Variants in FAAH2 observed in about 807,000 individuals in gnomAD.
The protein encoded by FAAH2 is fatty acid amide hydrolase 2.
A neutral mutation model predicts 36.9 loss-of-function variants in FAAH2; 60 were observed. The ratio of observed to expected loss-of-function variants is 1.63; its 90% confidence interval spans 1.32 to 2.02. The LOEUF (loss-of-function observed/expected upper bound fraction) is 2.02, where lower values mean the gene tolerates loss of function less well. Among genes scored for constraint, FAAH2 ranks in the 30% most tolerant of loss-of-function variants. FAAH2 has a pLI of 0.00. For synonymous variants in FAAH2, 214 were observed against 143.8 expected, an observed-to-expected ratio of 1.49 and a Z score of -3.49; for missense variants, 689 against 397.5, an observed-to-expected ratio of 1.73 and a Z score of -6.23.
the FAAH2 span, among the ~76,000 whole-genome samples, chrX:57,145,449 G>T: frequency 1.9e-3 from 217 of 111,488 alleles, 1 homozygote; most frequent in Non-Finnish European, 3.5e-3. Context: ...AGGAGATTCC[G>T]GATATTAGTC....
the FAAH2 span, among the ~76,000 whole-genome samples, chrX:57,262,348 G>A: frequency 9.0e-6 from 1 of 111,419 alleles, no homozygotes; most frequent in African/African-American, 3.3e-5. Flanking sequence ...CAAAGATAGG[G>A]AAGATAATTA....
intron 7 of FAAH2, among the ~76,000 whole-genome samples, chrX:57,421,853 C>A (rs1421778713): frequency 9.0e-6 from 1 of 111,553 alleles, no homozygotes; most frequent in Non-Finnish European, 1.9e-5. Context: ...GCAATGTTTT[C>A]CCAATAAGTC....
the FAAH2 span, among the ~76,000 whole-genome samples, chrX:57,186,796 C>A: frequency 1.8e-5 from 2 of 111,943 alleles, no homozygotes; most frequent in African/African-American, 6.5e-5. Context: ...GCCAGTCTCC[C>A]CAGCGCCATT....
chrX:57,299,960 T>C (rs1259858197), intron 2 of FAAH2, among the ~76,000 whole-genome samples: 1 of 111,061 alleles, frequency 9.0e-6, no homozygotes, highest in Admixed American at 9.6e-5. Flanking sequence ...TAAAAGAGGA[T>C]ACAAACAAAT....
intron 7 of FAAH2, among the ~76,000 whole-genome samples, chrX:57,408,076 A>G (rs924966802): frequency 9.0e-6 from 1 of 111,094 alleles, no homozygotes; most frequent in African/African-American, 3.3e-5. Context: ...TTAAGTTAGG[A>G]AGTGTGATGC....
chrX:57,137,275 G>A, the FAAH2 span: 1 of 761,214 alleles, frequency 1.3e-6, no homozygotes, highest in East Asian at 1.5e-4. Context: ...TGCTGCCTCT[G>A]CTGTGAGCCT....
intron 7 of FAAH2, among the ~76,000 whole-genome samples, chrX:57,415,116 C>T (rs2147047686): frequency 9.1e-6 from 1 of 109,342 alleles, no homozygotes; most frequent in African/African-American, 3.3e-5. Flanking sequence ...ATTCTTCTCT[C>T]TTTCCTTCTT....
chrX:57,431,906 T>C lies in FAAH2; in HGVS notation c.997-12T>C. Reference sequence around the variant, plus strand: ...ATCATGTTTGTCTGTTTTTATATCTTTCTTTTATAAGGTTGTGGTTCACCT... The same window carrying C: ...ATCATGTTTGTCTGTTTTTATATCTCTCTTTTATAAGGTTGTGGTTCACCT... On this transcript the variant is annotated splice_polypyrimidine_tract_variant and intron_variant, in intron 7 of 10. Transcript: ENST00000374900. The C allele has an allele frequency of 8.4e-7, 1 of 1,188,470 alleles. No homozygotes were observed. Among genetic ancestry groups the C allele is most frequent in the South Asian group, 1.9e-5 (1 of 53,493 alleles).
chrX:57,331,501 C>T (rs1005955625), intron 3 of FAAH2, 97 bp from the exon 4 acceptor site: 24 of 661,509 alleles, frequency 3.6e-5, no homozygotes, highest in Non-Finnish European at 6.8e-6. Flanking sequence ...GGGAGATGTT[C>T]CTTCTGGCTA....
chrX:57,348,519 C>T (rs2053892850), intron 5 of FAAH2, among the ~76,000 whole-genome samples: 1 of 110,903 alleles, frequency 9.0e-6, no homozygotes, highest in African/African-American at 3.3e-5. Context: ...ATGTGGGTAC[C>T]AGTGTACACC....
chrX:57,378,424 G>C (rs913343512), intron 5 of FAAH2, among the ~76,000 whole-genome samples: 5 of 111,184 alleles, frequency 4.5e-5, no homozygotes, highest in Non-Finnish European at 9.4e-5. Flanking sequence ...CTCTGGTTTT[G>C]CTTGTTTTAT....
intron 10 of FAAH2, among the ~76,000 whole-genome samples, chrX:57,452,706 G>A (rs1290926846): frequency 8.9e-6 from 1 of 111,853 alleles, no homozygotes; most frequent in East Asian, 2.8e-4. Flanking sequence ...AGAGTAAGAA[G>A]CTCAGCAAAT....
chrX:57,317,337 G>C (rs1439547098), intron 3 of FAAH2, among the ~76,000 whole-genome samples: 1 of 112,235 alleles, frequency 8.9e-6, no homozygotes, highest in Admixed American at 9.5e-5. Flanking sequence ...TCAAGCAAAT[G>C]TAAAGCGAAA....
chrX:57,355,271 T>A (rs1408468032), intron 5 of FAAH2, among the ~76,000 whole-genome samples: 1 of 111,199 alleles, frequency 9.0e-6, no homozygotes, highest in Admixed American at 9.6e-5. Context: ...TCTTTTTTTT[T>A]AGTAAGATAA....
At chrX:57,158,456 T>C in the FAAH2 span, among the ~76,000 whole-genome samples, 1 of 112,126 alleles carries the variant, frequency 8.9e-6, no homozygotes, top group Non-Finnish European at 1.9e-5. Context: ...TAGTTTACAA[T>C]CCCACCAACA....
intron 3 of FAAH2, among the ~76,000 whole-genome samples, chrX:57,325,049 A>AG (rs1159079878): frequency 8.9e-6 from 1 of 111,950 alleles, no homozygotes. Flanking sequence ...TTTAGCATGA[A>AG]GGTTGTTGAA....
intron 4 of FAAH2, among the ~76,000 whole-genome samples, chrX:57,333,631 C>T: frequency 9.1e-6 from 1 of 110,151 alleles, no homozygotes; most frequent in East Asian, 2.9e-4. Flanking sequence ...TGAAGAACAT[C>T]TTTGATGGGC....
the FAAH2 span, among the ~76,000 whole-genome samples, chrX:57,261,418 T>G: frequency 9.2e-6 from 1 of 108,387 alleles, no homozygotes; most frequent in East Asian, 2.9e-4. Context: ...CTGGGCATGG[T>G]GGTGCGTTCC....
chrX:57,254,131 G>C, the FAAH2 span, among the ~76,000 whole-genome samples: 1 of 110,874 alleles, frequency 9.0e-6, no homozygotes, highest in East Asian at 2.8e-4. Context: ...TGCAATCCTG[G>C]TCTTTGATAA....
Sources: gnomAD v4.1 joint callset for allele counts (sites outside exome capture counted in the v4.1 genomes callset) on GRCh38, gnomAD v4.1.1 for gene constraint, MANE v1.5 for transcripts, NCBI Gene and HGNC (gene_info 2026-07-23, HGNC 2026-07-21) for gene names.